The following SIK3 variants were observed in gnomAD, a reference collection of about 807,000 sequenced individuals.
SIK3 encodes the protein SIK family kinase 3.
Under a neutral mutation model 144.2 loss-of-function variants are expected in SIK3, and 28 were observed. The observed-to-expected ratio is 0.19, with a 90% CI of 0.14 to 0.27. The LOEUF (loss-of-function observed/expected upper bound fraction) is 0.27, where lower values mean the gene tolerates loss of function less well. Among genes scored for constraint, SIK3 ranks in the 10% least tolerant of loss-of-function variants. SIK3 has a pLI of 1.00. For missense variants in SIK3, 1,319 were observed against 1,776.0 expected, an observed-to-expected ratio of 0.74 and a Z score of 4.62; for synonymous variants, 686 against 676.3, an observed-to-expected ratio of 1.01 and a Z score of -0.22.
chr11:117,043,663 CA>C (rs1406893740), intron 1 of SIK3, among the ~76,000 whole-genome samples: 1 of 152,166 alleles, frequency 6.6e-6, no homozygotes, highest in Non-Finnish European at 1.5e-5. Flanking sequence ...CTAAAATCAA[CA>C]TTCAACTGAA....
At chr11:117,080,062 T>C (rs1954718035) in intron 1 of SIK3, among the ~76,000 whole-genome samples, 1 of 151,864 alleles carries the variant, frequency 6.6e-6, no homozygotes, top group Non-Finnish European at 1.5e-5. Context: ...ATAATAATAA[T>C]AAAGCTATGA....
chr11:117,097,739 G>A (rs1350391230), intron 1 of SIK3, among the ~76,000 whole-genome samples: 1 of 151,872 alleles, frequency 6.6e-6, no homozygotes, highest in Non-Finnish European at 1.5e-5. Context: ...CCATCCTCCG[G>A]GTCCACATTT....
intron 3 of SIK3, 26 bp from the exon 4 acceptor site, chr11:116,927,406 T>C (rs1157323287): frequency 6.2e-7 from 1 of 1,604,506 alleles, no homozygotes; most frequent in African/African-American, 1.3e-5. Context: ...ATACAGTCAG[T>C]TTTCATTTTG....
chr11:117,007,943 G>A (rs1053892474), intron 1 of SIK3, among the ~76,000 whole-genome samples: 31 of 151,998 alleles, frequency 2.0e-4, no homozygotes, highest in African/African-American at 7.5e-4. Flanking sequence ...AATTAGCTGG[G>A]CATAGTGATG....
chr11:116,913,673 A>G (rs534427450), intron 4 of SIK3, among the ~76,000 whole-genome samples: 3 of 152,366 alleles, frequency 2.0e-5, no homozygotes, highest in Non-Finnish European at 4.4e-5. Context: ...AAGAATATCA[A>G]CAAGAACAAT....
chr11:116,961,012 G>A (rs927933068), intron 1 of SIK3, among the ~76,000 whole-genome samples: 1 of 152,184 alleles, frequency 6.6e-6, no homozygotes, highest in Admixed American at 6.5e-5. Context: ...AGAACCAACT[G>A]GCTGCCGCCA....
At position 116,862,255 on chromosome 11, in the gene SIK3, G is replaced by A; in HGVS notation, c.2176C>T (p.His726Tyr). 3 of 1,614,164 alleles carry A rather than the reference G, an allele frequency of 1.9e-6. No individual in the cohort carries two copies. Among genetic ancestry groups the A allele is most frequent in the Non-Finnish European group, 2.5e-6 (3 of 1,180,008 alleles). ...TGCTGCTCCTGCTGGTATAACATAT[G>A]CTGCTGCTGGGTCTTCTCCAGGGTT... ...ERTLEKTQQQ[H>Y]MLYQQEQHHQ... The change falls in exon 17 of 25, where the codon CAT (histidine) becomes TAT (tyrosine). Residue 726 changes from histidine to tyrosine, a missense_variant. Coordinates refer to ENST00000445177, the MANE Select transcript of SIK3 (RefSeq NM_001366686.3).
intron 6 of SIK3, 115 bp from the exon 7 acceptor site, chr11:116,877,157 G>T (rs1944299515): frequency 1.2e-6 from 1 of 850,860 alleles, no homozygotes; most frequent in Non-Finnish European, 2.0e-6. Context: ...TTCTAATTTT[G>T]TCTCTCTTGC....
chr11:116,875,589 A>G, intron 9 of SIK3, 138 bp from the exon 10 acceptor site: 2 of 942,674 alleles, frequency 2.1e-6, no homozygotes, highest in Non-Finnish European at 3.1e-6. Context: ...CTTAGAAGTC[A>G]CAACAAGGAA....
intron 22 of SIK3, among the ~76,000 whole-genome samples, chr11:116,848,240 G>A (rs900630191): frequency 3.9e-5 from 6 of 151,970 alleles, no homozygotes; most frequent in African/African-American, 9.7e-5. Flanking sequence ...CCAGCTACTC[G>A]GGAGGTTGAG....
chr11:116,933,166 A>G (rs1204260029), intron 3 of SIK3, among the ~76,000 whole-genome samples: 2 of 144,236 alleles, frequency 1.4e-5, no homozygotes, highest in African/African-American at 5.2e-5. Flanking sequence ...TTTTTGAGGC[A>G]GAGTCTCACT....
chr11:117,008,701 T>G (rs1334812206), intron 1 of SIK3, among the ~76,000 whole-genome samples: 1 of 152,038 alleles, frequency 6.6e-6, no homozygotes, highest in Non-Finnish European at 1.5e-5. Context: ...AGACAGAAAA[T>G]AAGGAAGGCA....
In SIK3 at chr11:116,917,827, GAAGGAAAGGA is replaced by G. The variant is rs55678809; in HGVS notation, c.616+9382_616+9391del. Among the ~76,000 whole-genome samples the G allele has an allele frequency of 2.6e-3, 275 of 105,012 alleles. 1 individual carries two copies. Among genetic ancestry groups the G allele is most frequent in the Non-Finnish European group, 2.7e-3 (147 of 54,150 alleles). 68.9% of individuals were successfully genotyped at this position (105,012 alleles called of 152,430 possible). A position where few individuals can be genotyped will look rare whatever the true frequency, so the allele number is the denominator to read the frequency against. On this transcript the variant is annotated intron_variant, in intron 4 of 24. Coordinates refer to ENST00000445177, the MANE Select transcript of SIK3 (RefSeq NM_001366686.3). ...GAGGAAGGAAAGAAGGAAGAAGAAG[GAAGGAAAGGA>G]AAGGAAAGGAAAGGAAAGGAAAGGA...
At chr11:116,893,143 T>C (rs746283822) in intron 6 of SIK3, among the ~76,000 whole-genome samples, 1 of 152,224 alleles carries the variant, frequency 6.6e-6, no homozygotes, top group Non-Finnish European at 1.5e-5. Flanking sequence ...CATGTCACTA[T>C]ACATTTACCA....
In SIK3 at chr11:116,987,590, A is replaced by G. The variant is rs376450117; in HGVS notation, c.274-30526T>C. 3.3e-5 allele frequency among the ~76,000 whole-genome samples: 5 copies of G among 152,196 alleles called. 1 individual carries two copies. The highest frequency in any genetic ancestry group is 1.2e-4 in the African/African-American group (5 of 41,444). The stretch of plus-strand genomic sequence containing the variant: ...ACAACCTGCTTTCATGGAACTCACC[A>G]CATGAAATCCATGTGGTAGGAAAAA... On this transcript the variant is annotated intron_variant, in intron 1 of 24. Transcript: ENST00000445177.
chr11:116,876,965 T>C lies in SIK3; in HGVS notation c.943A>G (p.Lys315Glu). The change falls in exon 7 of 25, where the codon AAG (lysine) becomes GAG (glutamate). Residue 315 changes from lysine (K) to glutamate (E), a missense_variant. By Grantham distance (56) the Lys-to-Glu change is moderately conservative. This residue lies in a region of SIK3 where 34 missense variants were observed against 56.1 expected (regional missense o/e 0.61). Transcript: ENST00000445177. ...RLSMEQICKH[K>E]WMKLGDADPN... ...TCGGCGTCCCCTAGCTTCATCCACT[T>C]GTGCTTGCAGATCTGCTCCATGGAG... The C allele has an allele frequency of 6.2e-7, 1 of 1,614,148 alleles. No individual in the cohort carries two copies. Among genetic ancestry groups the C allele is most frequent in the Non-Finnish European group, 8.5e-7 (1 of 1,180,010 alleles).
At chr11:117,016,561 C>A (rs1240369118) in intron 1 of SIK3, among the ~76,000 whole-genome samples, 1 of 152,140 alleles carries the variant, frequency 6.6e-6, no homozygotes, top group Non-Finnish European at 1.5e-5. Flanking sequence ...TGACTGTAAT[C>A]CCAGCTAATT....
At chr11:117,038,439 C>A (rs2135840133) in intron 1 of SIK3, among the ~76,000 whole-genome samples, 1 of 151,584 alleles carries the variant, frequency 6.6e-6, no homozygotes, top group Non-Finnish European at 1.5e-5. Context: ...TCACCACAGC[C>A]TCTGCCTCCC....
intron 1 of SIK3, among the ~76,000 whole-genome samples, chr11:117,035,409 T>C (rs1361888915): frequency 6.6e-6 from 1 of 152,226 alleles, no homozygotes; most frequent in African/African-American, 2.4e-5. Flanking sequence ...ATTAAATCTA[T>C]TAATGATTCT....
Sources: gnomAD v4.1 joint callset for allele counts (sites outside exome capture counted in the v4.1 genomes callset) on GRCh38, gnomAD v4.1.1 for gene constraint, gnomAD v4.1.1 regional missense constraint, MANE v1.5 for transcripts, NCBI Gene and HGNC (gene_info 2026-07-23, HGNC 2026-07-21) for gene names.